Variants in LAPTM4B observed in about 807,000 individuals in gnomAD.
LAPTM4B encodes lysosomal protein transmembrane 4 beta.
A neutral mutation model predicts 28.5 loss-of-function variants in LAPTM4B; 26 were observed. The ratio of observed to expected loss-of-function variants is 0.91; its 90% CI spans 0.67 to 1.27. LAPTM4B has a LOEUF of 1.27. Among genes scored for constraint, LAPTM4B ranks in the 50% most tolerant of loss-of-function variants. The pLI, the probability that LAPTM4B is intolerant of heterozygous loss-of-function variation, is 0.00. For synonymous variants in LAPTM4B, 109 were observed against 106.4 expected (o/e 1.02, Z -0.15); for missense variants, 288 against 285.8 (o/e 1.01, Z -0.06).
At chr8:97,793,742 G>A (rs941432948) in intron 1 of LAPTM4B, among the ~76,000 whole-genome samples, 1 of 152,154 alleles carries the variant, frequency 6.6e-6, no homozygotes, top group African/African-American at 2.4e-5. Context: ...CAAGATTTTT[G>A]TGGCAAACTT....
chr8:97,815,363 A>G lies in LAPTM4B; in HGVS notation c.247A>G (p.Ile83Val). The change falls in exon 3 of 7, where the codon ATC becomes GTC. Residue 83 changes from isoleucine (I) to valine (V), a missense_variant. Ile to Val is a conservative substitution (Grantham distance 29). Transcript: ENST00000521545. ...CIAIAISLLMILICAMATYGA... is the reference protein window; with the variant it reads ...CIAIAISLLMVLICAMATYGA... The stretch of plus-strand genomic sequence containing the variant: ...TGCCATTGCGATTTCTCTTCTCATG[A>G]TCCTGATATGTGCTATGGCTACTTA... The G allele has an allele frequency of 6.2e-7, 1 of 1,614,032 alleles. No individual in the cohort carries two copies. The highest frequency in any genetic ancestry group is 8.5e-7 in the Non-Finnish European group (1 of 1,179,948).
At chr8:97,796,129 T>C (rs1318626257) in intron 1 of LAPTM4B, among the ~76,000 whole-genome samples, 1 of 152,208 alleles carries the variant, frequency 6.6e-6, no homozygotes, top group Non-Finnish European at 1.5e-5. Flanking sequence ...TTGGTAGAGA[T>C]GGGGATTCAC....
At chr8:97,784,908 C>T (rs1352503405) in intron 1 of LAPTM4B, among the ~76,000 whole-genome samples, 1 of 152,106 alleles carries the variant, frequency 6.6e-6, no homozygotes, top group African/African-American at 2.4e-5. Context: ...TGATACAAGT[C>T]TCTCTTTCTA....
At chr8:97,811,020 A>G (rs1336080453) in intron 2 of LAPTM4B, among the ~76,000 whole-genome samples, 5 of 152,210 alleles carry the variant, frequency 3.3e-5, no homozygotes, top group Admixed American at 6.5e-5. Flanking sequence ...TATTCTCCAC[A>G]TTGCAAGTTA....
intron 6 of LAPTM4B, among the ~76,000 whole-genome samples, chr8:97,840,319 G>A (rs1422490338): frequency 6.6e-6 from 1 of 152,178 alleles, no homozygotes; most frequent in Non-Finnish European, 1.5e-5. Flanking sequence ...TGTATTTTGA[G>A]TACAATCTGT....
chr8:97,809,084 A>G (rs779537794), intron 2 of LAPTM4B, among the ~76,000 whole-genome samples: 6 of 152,228 alleles, frequency 3.9e-5, no homozygotes, highest in African/African-American at 9.6e-5. Flanking sequence ...AACAATTACT[A>G]TTTTAAAGTC....
intron 6 of LAPTM4B, among the ~76,000 whole-genome samples, chr8:97,841,221 G>A (rs547469279): frequency 1.2e-5 from 1 of 81,368 alleles, no homozygotes; most frequent in South Asian, 3.5e-4. Context: ...TAAGATGTAC[G>A]AAAATGTATA....
chr8:97,846,483 A>G (rs1237543104), intron 6 of LAPTM4B, among the ~76,000 whole-genome samples: 2 of 152,120 alleles, frequency 1.3e-5, no homozygotes, highest in African/African-American at 4.8e-5. Context: ...ATGCGCCACC[A>G]CGCCCAGCTA....
chr8:97,849,221 T>C (rs72673494), intron 6 of LAPTM4B, among the ~76,000 whole-genome samples: 25,831 of 152,254 alleles, frequency 0.17, 2,305 homozygotes, highest in East Asian at 0.23. Context: ...CTTGACTCCC[T>C]AGCCTAAATT....
chr8:97,839,830 A>G (rs1281278701), intron 6 of LAPTM4B, among the ~76,000 whole-genome samples: 1 of 152,240 alleles, frequency 6.6e-6, no homozygotes, highest in African/African-American at 2.4e-5. Context: ...AAGGCAAGGA[A>G]TTTTATATTT....
intron 5 of LAPTM4B, among the ~76,000 whole-genome samples, chr8:97,819,727 C>CTTTTTTT (rs532220760): frequency 1.3e-5 from 1 of 78,578 alleles, no homozygotes; most frequent in African/African-American, 5.2e-5. Context: ...GATAAATTTC[C>CTTTTTTT]TTTTTTTTTT....
intron 1 of LAPTM4B, among the ~76,000 whole-genome samples, chr8:97,799,961 T>G (rs6992554): frequency 0.013 from 1,964 of 152,040 alleles, 49 homozygotes; most frequent in African/African-American, 0.044. Context: ...CTTCATCTTT[T>G]GAGTTCCTGT....
intron 1 of LAPTM4B, among the ~76,000 whole-genome samples, chr8:97,800,838 G>A (rs1167632997): frequency 1.3e-5 from 2 of 152,044 alleles, no homozygotes; most frequent in African/African-American, 4.8e-5. Context: ...ACAAAGTCAG[G>A]TGGTGGCTCG....
chr8:97,848,493 ATGG>A (rs1563625068), intron 6 of LAPTM4B, among the ~76,000 whole-genome samples: 4 of 151,978 alleles, frequency 2.6e-5, no homozygotes, highest in Middle Eastern at 3.4e-3. Flanking sequence ...AGAAAAAAAA[ATGG>A]TGGGTGTGAT....
chr8:97,804,760 G>C (rs772312448), intron 1 of LAPTM4B, among the ~76,000 whole-genome samples: 1 of 152,202 alleles, frequency 6.6e-6, no homozygotes, highest in Non-Finnish European at 1.5e-5. Context: ...TGAGTTTAAA[G>C]TAGCCAAGGG....
intron 6 of LAPTM4B, among the ~76,000 whole-genome samples, chr8:97,828,242 C>T (rs553664279): frequency 6.6e-6 from 1 of 151,998 alleles, no homozygotes; most frequent in Non-Finnish European, 1.5e-5. Context: ...TTTTTCTCAG[C>T]GCTGCTTCAA....
At chr8:97,843,176 C>T (rs777251303) in intron 6 of LAPTM4B, among the ~76,000 whole-genome samples, 3 of 152,188 alleles carry the variant, frequency 2.0e-5, no homozygotes, top group Non-Finnish European at 4.4e-5. Context: ...CCACCGCGCC[C>T]GCCCTTACGT....
intron 6 of LAPTM4B, among the ~76,000 whole-genome samples, chr8:97,832,204 G>A (rs1644028319): frequency 6.6e-6 from 1 of 152,104 alleles, no homozygotes; most frequent in Non-Finnish European, 1.5e-5. Context: ...TGGAATAACA[G>A]GTTTGTTTAT....
intron 1 of LAPTM4B, among the ~76,000 whole-genome samples, chr8:97,782,057 C>G (rs1041589912): frequency 8.6e-5 from 13 of 150,784 alleles, no homozygotes; most frequent in African/African-American, 3.2e-4. Flanking sequence ...CTCGGCTCAC[C>G]GCAACCTCCG....
Sources: allele counts gnomAD v4.1 joint callset (sites outside exome capture counted in the v4.1 genomes callset), GRCh38; gene constraint gnomAD v4.1.1; transcripts MANE v1.5; gene names NCBI Gene and HGNC (gene_info 2026-07-23, HGNC 2026-07-21).